The following CPAP variants were observed in gnomAD, a reference collection of about 807,000 sequenced individuals.
CPAP encodes centrosomal P4.1-associated protein.
chr13:24,919,678 C>T, the CPAP span, among the ~76,000 whole-genome samples: 1 of 152,252 alleles, frequency 6.6e-6, no homozygotes, highest in Non-Finnish European at 1.5e-5. Context: ...CCTTGGCTTC[C>T]CAAAGTGCTG....
chr13:24,913,133 A>G, the CPAP span: 2 of 930,064 alleles, frequency 2.2e-6, no homozygotes, highest in Non-Finnish European at 3.3e-6. Context: ...AGGTAAAGCC[A>G]TTAGATGTCC....
chr13:24,883,469 C>T, the CPAP span: 1 of 863,328 alleles, frequency 1.2e-6, no homozygotes, highest in Non-Finnish European at 1.8e-6. Context: ...CTGGCAGCTA[C>T]TTCTGGAGAC....
the CPAP span, among the ~76,000 whole-genome samples, chr13:24,932,137 C>T: frequency 0.012 from 1,789 of 152,254 alleles, 38 homozygotes; most frequent in African/African-American, 0.039. Flanking sequence ...AACCCGGACC[C>T]GCGATCCCCA....
the CPAP span, among the ~76,000 whole-genome samples, chr13:24,929,884 T>C: frequency 6.6e-6 from 1 of 151,586 alleles, no homozygotes; most frequent in Admixed American, 6.6e-5. Flanking sequence ...CTCAAATCTG[T>C]TGAGCGTCAC....
the CPAP span, chr13:24,899,413 G>A: frequency 6.2e-7 from 1 of 1,602,634 alleles, no homozygotes; most frequent in Non-Finnish European, 8.5e-7. Flanking sequence ...TAAAGAACTA[G>A]CATACCTGTA....
chr13:24,905,965 T>C, the CPAP span: 2 of 1,614,196 alleles, frequency 1.2e-6, 1 homozygote, highest in South Asian at 2.2e-5. Flanking sequence ...CATCGTCACG[T>C]GCATTCCATT....
At chr13:24,928,781 C>G in the CPAP span, among the ~76,000 whole-genome samples, 1 of 152,100 alleles carries the variant, frequency 6.6e-6, no homozygotes, top group Admixed American at 6.6e-5. Context: ...TTTTTTTAAT[C>G]TTGGCATTTT....
At chr13:24,893,005 C>A in the CPAP span, 1 of 710,600 alleles carries the variant, frequency 1.4e-6, no homozygotes, top group Non-Finnish European at 2.4e-6. Flanking sequence ...ACATTTAAGA[C>A]GAATGTCGTG....
the CPAP span, chr13:24,907,278 G>A: frequency 1.7e-6 from 2 of 1,161,200 alleles, no homozygotes; most frequent in Non-Finnish European, 1.3e-6. Flanking sequence ...AGAAACCCTT[G>A]ACAACATGGA....
At chr13:24,929,970 G>C in the CPAP span, among the ~76,000 whole-genome samples, 1 of 146,188 alleles carries the variant, frequency 6.8e-6, no homozygotes, top group African/African-American at 2.5e-5. Context: ...GAGTGCAGGA[G>C]TGCAATCATA....
chr13:24,891,040 T>C, the CPAP span, among the ~76,000 whole-genome samples: 1 of 151,772 alleles, frequency 6.6e-6, no homozygotes, highest in Non-Finnish European at 1.5e-5. Flanking sequence ...AACAAAGCTG[T>C]TATCCGCTCC....
chr13:24,908,102 T>C, the CPAP span: 9 of 1,612,566 alleles, frequency 5.6e-6, no homozygotes, highest in African/African-American at 1.2e-4. Context: ...TTCTGTCACT[T>C]TCTCCCAACA....
the CPAP span, chr13:24,883,895 C>T: frequency 6.3e-7 from 1 of 1,599,200 alleles, no homozygotes; most frequent in East Asian, 2.2e-5. Flanking sequence ...AAGGCTGGGG[C>T]ACCTTCTGAG....
the CPAP span, among the ~76,000 whole-genome samples, chr13:24,891,835 G>A: frequency 3.3e-5 from 5 of 152,146 alleles, no homozygotes; most frequent in South Asian, 2.1e-4. Flanking sequence ...CCACCCCGAG[G>A]GCTGGCCCAC....
At chr13:24,907,195 T>C in the CPAP span, 3 of 1,598,410 alleles carry the variant, frequency 1.9e-6, no homozygotes, top group Admixed American at 1.7e-5. Context: ...TTAATGGGCC[T>C]AATTAGAAAC....
At chr13:24,908,110 A>C in the CPAP span, 1 of 1,611,436 alleles carries the variant, frequency 6.2e-7, no homozygotes, top group Non-Finnish European at 8.5e-7. Context: ...CTTTCTCCCA[A>C]CATAAGATAC....
the CPAP span, chr13:24,885,428 A>C: frequency 7.2e-7 from 1 of 1,388,260 alleles, no homozygotes; most frequent in Non-Finnish European, 1.0e-6. Flanking sequence ...ACCTACTCTT[A>C]CTTCCAAAGC....
chr13:24,910,792 G>A, the CPAP span, among the ~76,000 whole-genome samples: 1 of 152,094 alleles, frequency 6.6e-6, no homozygotes, highest in Admixed American at 6.5e-5. Flanking sequence ...ATTATTCTTT[G>A]TATGTATTCC....
At chr13:24,922,338 G>A in the CPAP span, among the ~76,000 whole-genome samples, 3 of 152,204 alleles carry the variant, frequency 2.0e-5, no homozygotes, top group Non-Finnish European at 4.4e-5. Context: ...AATACAACAC[G>A]TTCTTGAAAG....
Sources: gnomAD v4.1 joint callset for allele counts (sites outside exome capture counted in the v4.1 genomes callset) on GRCh38, gnomAD v4.1.1 for gene constraint, MANE v1.5 for transcripts, NCBI Gene and HGNC (gene_info 2026-07-23, HGNC 2026-07-21) for gene names.